ZMAT4: variants seen among roughly 807,000 people sequenced by gnomAD.
The protein encoded by ZMAT4 is zinc finger matrin-type protein 4.
In ZMAT4, 17 loss-of-function variants were observed where a neutral mutation model predicts 28.7. The ratio of observed to expected loss-of-function variants is 0.59; its 90% CI spans 0.41 to 0.89. The LOEUF (loss-of-function observed/expected upper bound fraction) is 0.89. Ranked by LOEUF, ZMAT4 falls within the 40% of genes least tolerant of loss-of-function variation. The pLI is 0.00. For synonymous variants in ZMAT4, 117 were observed against 109.2 expected (o/e 1.07, Z -0.44); for missense variants, 240 against 283.8 (o/e 0.85, Z 1.11).
intron 2 of ZMAT4, among the ~76,000 whole-genome samples, chr8:40,799,176 G>A (rs1434056517): frequency 1.4e-5 from 2 of 143,346 alleles, no homozygotes; most frequent in African/African-American, 5.2e-5. Flanking sequence ...GATGAATAGA[G>A]AGAGAGAGAG....
chr8:40,606,490 A>G (rs183918881), intron 5 of ZMAT4, among the ~76,000 whole-genome samples: 24 of 152,348 alleles, frequency 1.6e-4, no homozygotes, highest in African/African-American at 5.0e-4. Context: ...TTGTTTAAGG[A>G]GGCTAAAGAT....
chr8:40,846,166 C>T (rs1053206813), intron 1 of ZMAT4, among the ~76,000 whole-genome samples: 25 of 152,166 alleles, frequency 1.6e-4, no homozygotes, highest in Non-Finnish European at 3.2e-4. Flanking sequence ...CCAAACGCAC[C>T]ACCCCCCTCC....
chr8:40,755,129 A>T (rs184206973), intron 3 of ZMAT4, among the ~76,000 whole-genome samples: 2 of 152,372 alleles, frequency 1.3e-5, no homozygotes, highest in Admixed American at 1.3e-4. Flanking sequence ...CTTTTCTCTG[A>T]AAAGAAACAA....
intron 5 of ZMAT4, among the ~76,000 whole-genome samples, chr8:40,608,209 G>A (rs1385327483): frequency 2.0e-5 from 3 of 152,124 alleles, no homozygotes; most frequent in African/African-American, 7.2e-5. Context: ...GGCAGGATTA[G>A]GCATGTCTGA....
At chr8:40,766,332 T>C (rs1813157799) in intron 3 of ZMAT4, among the ~76,000 whole-genome samples, 1 of 152,264 alleles carries the variant, frequency 6.6e-6, no homozygotes, top group South Asian at 2.1e-4. Context: ...GTTTTGTCAG[T>C]GCCTGCATGT....
intron 5 of ZMAT4, among the ~76,000 whole-genome samples, chr8:40,664,459 T>C (rs2118866092): frequency 6.6e-6 from 1 of 152,330 alleles, no homozygotes; most frequent in South Asian, 2.1e-4. Flanking sequence ...GATCCAAGTA[T>C]AATTTCCATT....
chr8:40,893,109 G>A (rs142072381), intron 1 of ZMAT4, among the ~76,000 whole-genome samples: 5 of 152,250 alleles, frequency 3.3e-5, no homozygotes, highest in South Asian at 2.1e-4. Context: ...ACAGCTGGTC[G>A]CCATCCTCCA....
At chr8:40,613,344 G>A (rs1008303106) in intron 5 of ZMAT4, among the ~76,000 whole-genome samples, 7 of 151,186 alleles carry the variant, frequency 4.6e-5, no homozygotes, top group African/African-American at 1.7e-4. Context: ...CACCATGCCC[G>A]GCTAATATTT....
rs1331504607 is a variant in ZMAT4 at position 40,738,975 on chromosome 8, A to G, written c.192+28666T>C. Among the ~76,000 whole-genome samples the G allele has an allele frequency of 2.6e-5, 4 of 152,364 alleles. No individual in the cohort carries two copies. The East Asian group carries it at 7.7e-4, about 29-fold the overall frequency. ...TCATTACATTTAGAAAACAATTTGT[A>G]TGTTAGATTTTCCCTCTTTACTAGA... On this transcript the variant is annotated intron_variant, in intron 3 of 6. Coordinates refer to ENST00000297737, the MANE Select transcript of ZMAT4 (RefSeq NM_024645.3).
intron 6 of ZMAT4, among the ~76,000 whole-genome samples, 185 bp from the exon 7 acceptor site, chr8:40,532,423 T>G (rs1207359663): frequency 6.6e-6 from 1 of 151,420 alleles, no homozygotes; most frequent in Non-Finnish European, 1.5e-5. Flanking sequence ...ATAAAATATC[T>G]CCATTACTAA....
intron 5 of ZMAT4, among the ~76,000 whole-genome samples, chr8:40,658,918 C>A (rs541528634): frequency 3.3e-5 from 5 of 152,226 alleles, no homozygotes; most frequent in South Asian, 2.1e-4. Flanking sequence ...TTTGATTGCT[C>A]CCCATTGTCT....
At chr8:40,717,528 G>A (rs1810908905) in intron 3 of ZMAT4, among the ~76,000 whole-genome samples, 1 of 151,958 alleles carries the variant, frequency 6.6e-6, no homozygotes, top group Non-Finnish European at 1.5e-5. Flanking sequence ...AGGTGTGGTG[G>A]TGCATGCCTC....
intron 4 of ZMAT4, among the ~76,000 whole-genome samples, chr8:40,692,446 C>T (rs1466135625): frequency 6.6e-6 from 1 of 152,148 alleles, no homozygotes; most frequent in African/African-American, 2.4e-5. Flanking sequence ...ATGTAGCCAC[C>T]AGGATAGATT....
At chr8:40,720,416 T>C (rs1346461088) in intron 3 of ZMAT4, among the ~76,000 whole-genome samples, 1 of 152,096 alleles carries the variant, frequency 6.6e-6, no homozygotes, top group Admixed American at 6.6e-5. Flanking sequence ...CCCTCCTCCT[T>C]GCTGTAATCA....
chr8:40,743,315 G>A (rs1164848956), intron 3 of ZMAT4, among the ~76,000 whole-genome samples: 1 of 152,108 alleles, frequency 6.6e-6, no homozygotes, highest in African/African-American at 2.4e-5. Context: ...CAGTGACCTG[G>A]GATGACAGCT....
intron 6 of ZMAT4, among the ~76,000 whole-genome samples, chr8:40,575,049 G>A (rs952642006): frequency 6.6e-6 from 1 of 152,178 alleles, no homozygotes; most frequent in African/African-American, 2.4e-5. Flanking sequence ...TTGGGACTCT[G>A]CTGTTGTTTC....
intron 2 of ZMAT4, among the ~76,000 whole-genome samples, chr8:40,806,890 G>A (rs550242146): frequency 1.1e-4 from 16 of 151,960 alleles, no homozygotes; most frequent in African/African-American, 2.9e-4. Flanking sequence ...ATAAATGCAG[G>A]CACACATCAC....
chr8:40,882,075 C>T (rs1818300555), intron 1 of ZMAT4, among the ~76,000 whole-genome samples: 1 of 152,144 alleles, frequency 6.6e-6, no homozygotes, highest in African/African-American at 2.4e-5. Context: ...TTTGAAATCA[C>T]CTGCTTGTCC....
At chr8:40,785,543 A>T (rs910210187) in intron 2 of ZMAT4, among the ~76,000 whole-genome samples, 5 of 152,150 alleles carry the variant, frequency 3.3e-5, no homozygotes, top group African/African-American at 1.2e-4. Context: ...TGTCTGTCAA[A>T]CTCAGTTCTG....
Sources: gnomAD v4.1 joint callset for allele counts (sites outside exome capture counted in the v4.1 genomes callset) on GRCh38, gnomAD v4.1.1 for gene constraint, MANE v1.5 for transcripts, NCBI Gene and HGNC (gene_info 2026-07-23, HGNC 2026-07-21) for gene names.